Variants in ANKS1B observed in about 807,000 individuals in gnomAD.
ANKS1B encodes ankyrin repeat and sterile alpha motif domain containing 1B, also known as ankyrin repeat and sterile alpha motif domain-containing protein 1B.
ANKS1B carries 36 observed loss-of-function variants against 148.3 expected under a neutral mutation model. That is an observed-to-expected ratio of 0.24 (90% CI 0.19 to 0.32). The LOEUF is 0.32. ANKS1B is among the 10% of genes least tolerant of loss of function. The pLI is 1.00. For synonymous variants in ANKS1B, 542 were observed against 560.8 expected (o/e 0.97, Z 0.47); for missense variants, 1,157 against 1,542.6 (o/e 0.75, Z 4.19).
At chr12:99,663,754 C>A (rs908766831) in intron 8 of ANKS1B, among the ~76,000 whole-genome samples, 1 of 152,052 alleles carries the variant, frequency 6.6e-6, no homozygotes, top group African/African-American at 2.4e-5. Context: ...GACAGAATTG[C>A]TATTAAAGCA....
At chr12:99,107,806 C>A (rs982232141) in intron 15 of ANKS1B, among the ~76,000 whole-genome samples, 3 of 152,150 alleles carry the variant, frequency 2.0e-5, no homozygotes, top group Non-Finnish European at 4.4e-5. Flanking sequence ...GAAGTACTCC[C>A]AGAAAGACAC....
intron 12 of ANKS1B, among the ~76,000 whole-genome samples, chr12:99,254,887 C>G (rs2075074346): frequency 6.6e-6 from 1 of 152,134 alleles, no homozygotes; most frequent in Non-Finnish European, 1.5e-5. Context: ...AATGAACTTT[C>G]TTTTTGGCAT....
intron 1 of ANKS1B, among the ~76,000 whole-genome samples, chr12:99,910,410 G>A (rs1368224740): frequency 1.3e-5 from 2 of 148,534 alleles, no homozygotes; most frequent in African/African-American, 2.5e-5. Context: ...GCAATAACAT[G>A]GGTGAATTCT....
At chr12:99,375,729 C>A (rs2093363649) in intron 12 of ANKS1B, among the ~76,000 whole-genome samples, 1 of 151,770 alleles carries the variant, frequency 6.6e-6, no homozygotes, top group Non-Finnish European at 1.5e-5. Context: ...GGCTTTATAG[C>A]TAACTCTTTG....
chr12:99,671,836 T>C (rs1025602697), intron 8 of ANKS1B, among the ~76,000 whole-genome samples: 3 of 152,130 alleles, frequency 2.0e-5, no homozygotes, highest in Non-Finnish European at 4.4e-5. Context: ...TTCTTTTGTA[T>C]GCTCAATAGC....
At chr12:99,324,609 T>TA (rs1312077473) in intron 12 of ANKS1B, among the ~76,000 whole-genome samples, 1 of 152,158 alleles carries the variant, frequency 6.6e-6, no homozygotes, top group Non-Finnish European at 1.5e-5. Context: ...CACAATTACA[T>TA]AAAATTGTTC....
intron 17 of ANKS1B, among the ~76,000 whole-genome samples, chr12:98,994,737 G>A (rs1394408057): frequency 6.6e-6 from 1 of 152,104 alleles, no homozygotes. Flanking sequence ...TTCTCCCTGT[G>A]TTTTCACACG....
At chr12:99,773,765 T>C (rs2063405736) in intron 7 of ANKS1B, among the ~76,000 whole-genome samples, 1 of 152,114 alleles carries the variant, frequency 6.6e-6, no homozygotes, top group South Asian at 2.1e-4. Context: ...ATATTTAACA[T>C]CAGCTGACTA....
intron 14 of ANKS1B, among the ~76,000 whole-genome samples, chr12:99,213,741 T>G (rs985215280): frequency 6.6e-6 from 1 of 152,208 alleles, no homozygotes; most frequent in Non-Finnish European, 1.5e-5. Context: ...CATTCTGTAA[T>G]GGGAATGTGG....
At chr12:98,923,434 GAT>G (rs2099804070) in intron 17 of ANKS1B, among the ~76,000 whole-genome samples, 1 of 152,180 alleles carries the variant, frequency 6.6e-6, no homozygotes, top group Admixed American at 6.5e-5. Context: ...AATACCAAAA[GAT>G]AGTCTACTTG....
chr12:99,511,039 G>A (rs1363869395), intron 9 of ANKS1B, among the ~76,000 whole-genome samples: 1 of 151,866 alleles, frequency 6.6e-6, no homozygotes, highest in Non-Finnish European at 1.5e-5. Context: ...TGATTGCCCT[G>A]GCCAGGACTT....
intron 17 of ANKS1B, among the ~76,000 whole-genome samples, chr12:98,839,535 C>A (rs983390519): frequency 6.6e-6 from 1 of 152,138 alleles, no homozygotes; most frequent in Non-Finnish European, 1.5e-5. Context: ...AACTAAGGTA[C>A]TAACTAAGGT....
chr12:98,871,843 G>A (rs1433009014), intron 17 of ANKS1B, among the ~76,000 whole-genome samples: 1 of 152,144 alleles, frequency 6.6e-6, no homozygotes, highest in African/African-American at 2.4e-5. Flanking sequence ...CAATGACAAT[G>A]AATGTGATGT....
intron 12 of ANKS1B, among the ~76,000 whole-genome samples, chr12:99,322,721 G>A (rs1296042463): frequency 2.6e-5 from 4 of 152,074 alleles, no homozygotes; most frequent in African/African-American, 7.2e-5. Context: ...TTTCTTCAGT[G>A]ATATGGTTTG....
At chr12:99,956,781 C>A (rs1174916034) in intron 1 of ANKS1B, among the ~76,000 whole-genome samples, 1 of 152,158 alleles carries the variant, frequency 6.6e-6, no homozygotes, top group South Asian at 2.1e-4. Flanking sequence ...AGGCAGGGCT[C>A]CCAAGAAGAG....
At chr12:99,131,802 G>A (rs2153750710) in intron 15 of ANKS1B, among the ~76,000 whole-genome samples, 1 of 152,212 alleles carries the variant, frequency 6.6e-6, no homozygotes, top group East Asian at 1.9e-4. Flanking sequence ...CTGGGAACCG[G>A]GCTCCGTCAC....
chr12:98,842,830 G>A (rs1192868507), intron 17 of ANKS1B, among the ~76,000 whole-genome samples: 1 of 152,138 alleles, frequency 6.6e-6, no homozygotes, highest in Admixed American at 6.5e-5. Flanking sequence ...TTTAACTATA[G>A]GCTAATAGAT....
chr12:98,870,908 A>T (rs2099662994), intron 17 of ANKS1B, among the ~76,000 whole-genome samples: 1 of 152,210 alleles, frequency 6.6e-6, no homozygotes, highest in African/African-American at 2.4e-5. Context: ...GTAAGAGGAG[A>T]CATATTCTGT....
At chr12:98,894,729 C>A (rs1210074750) in intron 17 of ANKS1B, 24 of 985,524 alleles carry the variant, frequency 2.4e-5, no homozygotes, top group Admixed American at 6.2e-5. Flanking sequence ...GCTCCCCTAG[C>A]CGTTGCCTCT....
Sources: allele counts gnomAD v4.1 joint callset (sites outside exome capture counted in the v4.1 genomes callset), GRCh38; gene constraint gnomAD v4.1.1; transcripts MANE v1.5; gene names NCBI Gene and HGNC (gene_info 2026-07-23, HGNC 2026-07-21).